KAZN: variants seen among roughly 807,000 people sequenced by gnomAD.
KAZN encodes the protein kazrin.
In KAZN, 40 loss-of-function variants were observed where a neutral mutation model predicts 87.4. That is an observed-to-expected ratio of 0.46 (90% confidence interval 0.36 to 0.60). KAZN has a LOEUF of 0.60. Ranked by LOEUF, KAZN falls within the 20% of genes least tolerant of loss-of-function variation. KAZN has a pLI of 0.00. For missense variants in KAZN, 898 were observed against 1,073.9 expected (o/e 0.84, Z 2.29); for synonymous variants, 466 against 458.3 (o/e 1.02, Z -0.22).
At chr1:14,576,155 T>C (rs1275245438) in intron 2 of KAZN, among the ~76,000 whole-genome samples, 1 of 152,202 alleles carries the variant, frequency 6.6e-6, no homozygotes, top group Admixed American at 6.5e-5. Flanking sequence ...TCTCAAGCCT[T>C]AGTTGTCACA....
intron 1 of KAZN, among the ~76,000 whole-genome samples, chr1:14,103,804 CT>C (rs1258343485): frequency 6.6e-6 from 1 of 152,164 alleles, no homozygotes; most frequent in Non-Finnish European, 1.5e-5. Context: ...CTGAATTCCC[CT>C]TTGCCATGTA....
rs1342929974 is a variant in KAZN, at chr1:15,081,820, A to T, written c.1223-12360A>T. Among the ~76,000 whole-genome samples, 2 of 152,110 alleles carry T rather than the reference A, an allele frequency of 1.3e-5. No individual in the cohort carries two copies. Among genetic ancestry groups the T allele is most frequent in the East Asian group, 1.9e-4 (1 of 5,182 alleles). On this transcript the variant is annotated intron_variant, in intron 8 of 14. Transcript: ENST00000376030. The surrounding 1 kb of genome is among the most constrained non-coding windows in gnomAD (Gnocchi z 4.1). ...CAAGGGCAGGGGTGAGAAGCTAAGGATGAAGCTGGCAAGGTCGGCCTGTGG... is the reference window on the plus strand; with the variant it reads ...CAAGGGCAGGGGTGAGAAGCTAAGGTTGAAGCTGGCAAGGTCGGCCTGTGG...
At chr1:13,896,172 G>C (rs969742068) in intron 1 of KAZN, among the ~76,000 whole-genome samples, 2 of 152,074 alleles carry the variant, frequency 1.3e-5, no homozygotes, top group Non-Finnish European at 2.9e-5. Context: ...CTTTTGCAAA[G>C]AGCCAGATAA....
chr1:14,750,756 G>C (rs771904326), intron 1 of KAZN, among the ~76,000 whole-genome samples: 4 of 152,178 alleles, frequency 2.6e-5, no homozygotes, highest in Non-Finnish European at 5.9e-5. Flanking sequence ...TCACATTTGA[G>C]CCCTGTGCTG....
intron 1 of KAZN, among the ~76,000 whole-genome samples, chr1:14,800,510 A>G (rs930725477): frequency 1.3e-5 from 2 of 152,158 alleles, no homozygotes; most frequent in African/African-American, 4.8e-5. Flanking sequence ...AGACTAGCCT[A>G]GGCAACATAG....
intron 2 of KAZN, among the ~76,000 whole-genome samples, chr1:14,331,702 C>T (rs1656869229): frequency 6.6e-6 from 1 of 152,144 alleles, no homozygotes; most frequent in Admixed American, 6.5e-5. Flanking sequence ...ACCCGAACAA[C>T]AAAAACTAGA....
intron 2 of KAZN, among the ~76,000 whole-genome samples, chr1:14,387,977 G>C: frequency 6.6e-6 from 1 of 152,228 alleles, no homozygotes; most frequent in East Asian, 1.9e-4. Context: ...CTCCGTGGGC[G>C]TAGGACCCTC....
At chr1:14,581,449 TG>T (rs1675542212) in intron 2 of KAZN, among the ~76,000 whole-genome samples, 1 of 152,194 alleles carries the variant, frequency 6.6e-6, no homozygotes, top group African/African-American at 2.4e-5. Flanking sequence ...TAAACCACCG[TG>T]GTACCCTGCT....
At chr1:14,020,117 T>C (rs536248234) in intron 1 of KAZN, among the ~76,000 whole-genome samples, 1 of 152,088 alleles carries the variant, frequency 6.6e-6, no homozygotes, top group East Asian at 1.9e-4. Flanking sequence ...GCATGCACAA[T>C]TCACAGTAGG....
chr1:15,006,717 G>A (rs1306473853), intron 2 of KAZN, among the ~76,000 whole-genome samples: 1 of 152,168 alleles, frequency 6.6e-6, no homozygotes, highest in Non-Finnish European at 1.5e-5. Flanking sequence ...GAAAAATAAA[G>A]CCAGGAAGAA....
intron 2 of KAZN, among the ~76,000 whole-genome samples, chr1:14,195,306 T>G (rs943099364): frequency 1.3e-5 from 2 of 152,032 alleles, no homozygotes; most frequent in Admixed American, 6.6e-5. Flanking sequence ...CCCTCCACCC[T>G]CCCTTCTTTA....
intron 2 of KAZN, among the ~76,000 whole-genome samples, chr1:14,578,377 T>C (rs1178573060): frequency 1.3e-5 from 2 of 151,962 alleles, no homozygotes; most frequent in Non-Finnish European, 2.9e-5. Context: ...CAGCTGTGAC[T>C]CATTATTGTA....
chr1:14,256,329 T>C (rs1431410176), intron 2 of KAZN, among the ~76,000 whole-genome samples: 1 of 152,062 alleles, frequency 6.6e-6, no homozygotes, highest in East Asian at 1.9e-4. Flanking sequence ...TAGCAGAAAT[T>C]AGACACCCCA....
rs141249679 is a variant in KAZN, at chr1:14,328,661, C to G, written c.249+148069C>G. Among the ~76,000 whole-genome samples, 1,111 of 149,552 alleles carry G rather than the reference C, an allele frequency of 7.4e-3. 14 individuals are homozygous for G. The highest frequency in any genetic ancestry group is 0.026 in the African/African-American group (1,059 of 40,666). On this transcript the variant is annotated intron_variant, in intron 2 of 16. Transcript: ENST00000636203. ...GAGCTTGTAGTGAGCCGAGATTGCACCACTGTACTCCAGCCTGGGCAACAG... is the reference window on the plus strand; with the variant it reads ...GAGCTTGTAGTGAGCCGAGATTGCAGCACTGTACTCCAGCCTGGGCAACAG...
intron 1 of KAZN, among the ~76,000 whole-genome samples, chr1:14,601,367 G>T (rs939501467): frequency 6.6e-6 from 1 of 152,150 alleles, no homozygotes; most frequent in African/African-American, 2.4e-5. Context: ...TATAAGTTCA[G>T]TGGGGTATCA....
At chr1:14,076,728 T>C (rs903174677) in intron 1 of KAZN, among the ~76,000 whole-genome samples, 1 of 152,190 alleles carries the variant, frequency 6.6e-6, no homozygotes, top group African/African-American at 2.4e-5. Flanking sequence ...TCAGTAATTG[T>C]GACAGAGACT....
At chr1:14,239,670 G>A (rs1257202988) in intron 2 of KAZN, among the ~76,000 whole-genome samples, 1 of 151,820 alleles carries the variant, frequency 6.6e-6, no homozygotes, top group East Asian at 1.9e-4. Context: ...ATGTTGGTCA[G>A]GCTGGTCTCG....
intron 2 of KAZN, among the ~76,000 whole-genome samples, chr1:14,964,038 G>A (rs541014523): frequency 9.6e-4 from 146 of 152,224 alleles, no homozygotes; most frequent in African/African-American, 3.3e-3. Context: ...TCATTGATAG[G>A]CATTTGGGTT....
intron 2 of KAZN, among the ~76,000 whole-genome samples, chr1:14,991,074 C>G (rs974181374): frequency 6.6e-6 from 1 of 151,676 alleles, no homozygotes; most frequent in Non-Finnish European, 1.5e-5. Context: ...AACCCTTGGC[C>G]GGGCGCAGAG....
Sources: gnomAD v4.1 joint callset for allele counts (sites outside exome capture counted in the v4.1 genomes callset) on GRCh38, gnomAD v4.1.1 for gene constraint, Gnocchi (gnomAD v3.1) non-coding constraint, MANE v1.5 for transcripts, NCBI Gene and HGNC (gene_info 2026-07-23, HGNC 2026-07-21) for gene names.